The following TBX5 variants were observed in gnomAD, a reference collection of about 807,000 sequenced individuals.
The protein encoded by TBX5 is T-box transcription factor TBX5.
TBX5 carries 8 observed loss-of-function variants against 51.1 expected under a neutral mutation model. The observed-to-expected ratio is 0.16, with a 90% CI of 0.09 to 0.28. TBX5 has a LOEUF of 0.28. Ranked by LOEUF, TBX5 falls within the 10% of genes least tolerant of loss-of-function variation. The probability of loss-of-function intolerance (pLI) is 1.00; values close to 1 mark genes in which losing one functional copy is unlikely to be tolerated. For synonymous variants in TBX5, 302 were observed against 266.4 expected, an observed-to-expected ratio of 1.13 and a Z score of -1.30; for missense variants, 589 against 671.7, an observed-to-expected ratio of 0.88 and a Z score of 1.36.
In TBX5 at chr12:114,398,644, G is replaced by T; in HGVS notation, c.439C>A (p.His147Asn). The T allele has an allele frequency of 6.2e-7, 1 of 1,613,528 alleles. No individual in the cohort carries two copies. Among genetic ancestry groups the T allele is most frequent in the Non-Finnish European group, 8.5e-7 (1 of 1,179,848 alleles). ...AAGGAGACGAGCTGCCTCATCCAAT[G>T]CGCCCCGGTGGCGGGGGAGTCTGGG... ...VHPDSPATGA[H>N]WMRQLVSFQK... is the part of the protein sequence containing the mutation. Residue 147 changes from histidine to asparagine, a missense_variant, in exon 5 of 9, where the codon CAT (histidine) becomes AAT (asparagine). By Grantham distance (68) the His-to-Asn change is moderately conservative (BLOSUM62 1). Around this residue, in one of 7 missense-constraint regions of TBX5, gnomAD observed 85 missense variants for 95.6 expected, o/e 0.89. Coordinates refer to ENST00000405440, the MANE Select transcript of TBX5 (RefSeq NM_181486.4).
intron 7 of TBX5, among the ~76,000 whole-genome samples, chr12:114,373,432 A>T (rs755045368): frequency 2.0e-5 from 3 of 152,216 alleles, no homozygotes; most frequent in Non-Finnish European, 4.4e-5. Flanking sequence ...AACTACAGAC[A>T]TAAAAGGACA....
At chr12:114,375,530 TA>T (rs1277603358) in intron 7 of TBX5, among the ~76,000 whole-genome samples, 1 of 152,104 alleles carries the variant, frequency 6.6e-6, no homozygotes, top group Non-Finnish European at 1.5e-5. Context: ...AGAGGTATAA[TA>T]AAAATGTACA....
At chr12:114,389,734 A>T in intron 6 of TBX5, among the ~76,000 whole-genome samples, 1 of 113,684 alleles carries the variant, frequency 8.8e-6, no homozygotes, top group African/African-American at 3.4e-5. Context: ...AGCCTGGGCG[A>T]CAGAGCGAGA....
chr12:114,405,915 C>A lies in TBX5; in HGVS notation c.-326G>T. The A allele has an allele frequency of 1.0e-6, 1 of 985,550 alleles. No individual in the cohort carries two copies. The highest frequency in any genetic ancestry group is 1.2e-6 in the Non-Finnish European group (1 of 830,040). 61.1% of individuals were successfully genotyped at this position (985,550 alleles called of 1,614,324 possible). ...AAATAGCCTCCAAGAGCACCGGCAA[C>A]CATATAATCTCAGTGCCCCGCTCCT... On this transcript the variant is annotated 5_prime_UTR_variant, in exon 1 of 9. Transcript: ENST00000405440.
At chr12:114,364,238 T>C (rs1268420404) in intron 8 of TBX5, among the ~76,000 whole-genome samples, 1 of 152,250 alleles carries the variant, frequency 6.6e-6, no homozygotes, top group African/African-American at 2.4e-5. Context: ...AGTTATTTTT[T>C]CCTAAAGGGC....
intron 4 of TBX5, among the ~76,000 whole-genome samples, 197 bp from the exon 5 acceptor site, chr12:114,398,917 C>G (rs531907355): frequency 5.9e-5 from 9 of 152,306 alleles, no homozygotes; most frequent in Non-Finnish European, 1.3e-4. Flanking sequence ...CCCAGGCAAG[C>G]CCCTGGCCCA....
chr12:114,378,260 C>T (rs1376995135), intron 7 of TBX5, among the ~76,000 whole-genome samples: 1 of 152,142 alleles, frequency 6.6e-6, no homozygotes. Context: ...CTAAGAAATA[C>T]CGAGATGAAG....
intron 3 of TBX5, among the ~76,000 whole-genome samples, chr12:114,400,131 C>T (rs1871716805): frequency 6.6e-6 from 1 of 152,120 alleles, no homozygotes; most frequent in Non-Finnish European, 1.5e-5. Context: ...GTGGGTGCGC[C>T]CAGGCTTCCC....
intron 1 of TBX5, among the ~76,000 whole-genome samples, chr12:114,404,178 G>C (rs1459964671): frequency 6.6e-6 from 1 of 152,100 alleles, no homozygotes; most frequent in African/African-American, 2.4e-5. Context: ...AAAGACCCGC[G>C]TCAGACCCGG....
At chr12:114,365,500 A>T (rs1188130838) in intron 8 of TBX5, among the ~76,000 whole-genome samples, 2 of 152,208 alleles carry the variant, frequency 1.3e-5, no homozygotes, top group Admixed American at 1.3e-4. Context: ...CAAGTTGCAA[A>T]ATACATACAG....
rs1230050515 is a variant in TBX5, at chr12:114,354,958, T to C, written c.*574A>G. 2.5e-5 allele frequency: 4 copies of C among 162,940 alleles called. No individual in the cohort carries two copies. The highest frequency in any genetic ancestry group is 1.8e-4 in the Admixed American group (3 of 16,902). 10.1% of individuals were successfully genotyped at this position (162,940 alleles called of 1,614,324 possible). On this transcript the variant is annotated 3_prime_UTR_variant, in exon 9 of 9. Coordinates refer to ENST00000405440, the MANE Select transcript of TBX5 (RefSeq NM_181486.4). ...TGGCAGAGGTAGGTGCTTTTCTTAG[T>C]CAAGGGGAAACGTGAATTTAGGTTT...
chr12:114,395,117 C>G (rs1342309042), intron 5 of TBX5, among the ~76,000 whole-genome samples: 1 of 152,088 alleles, frequency 6.6e-6, no homozygotes, highest in African/African-American at 2.4e-5. Context: ...CAGGAATCTA[C>G]CCAAGGCACA....
At position 114,401,860 on chromosome 12, in the gene TBX5, C is replaced by T. The variant is rs1378993147; in HGVS notation, c.208G>A (p.Val70Met). The change falls in exon 3 of 9, where the codon GTG becomes ATG. Residue 70 changes from valine to methionine, a missense_variant. By Grantham distance (21) the Val-to-Met change is conservative. Coordinates refer to ENST00000405440, the MANE Select transcript of TBX5 (RefSeq NM_181486.4). ...TTGGTTATGATCATTTCCGTGCCCA[C>T]TTCGTGGAATTTTAGCCACAGTTCT... The part of the protein sequence containing the change: ...ERELWLKFHE[V>M]GTEMIITKAG... 3 of 1,614,082 alleles carry T rather than the reference C, an allele frequency of 1.9e-6. No individual in the cohort carries two copies. Among genetic ancestry groups the T allele is most frequent in the Non-Finnish European group, 2.5e-6 (3 of 1,180,042 alleles).
intron 7 of TBX5, among the ~76,000 whole-genome samples, chr12:114,373,211 CA>C (rs1246668986): frequency 3.9e-5 from 6 of 152,096 alleles, no homozygotes; most frequent in African/African-American, 1.4e-4. Context: ...GTCTGTGATT[CA>C]AAAAACGGTT....
Position 114,392,619 on chromosome 12 carries a change from TG to T in TBX5, c.663+2121del, listed in dbSNP as rs572117842. Among the ~76,000 whole-genome samples, 18 of 152,266 alleles carry T rather than the reference TG, an allele frequency of 1.2e-4. No individual in the cohort carries two copies. In the South Asian group the frequency reaches 3.7e-3, roughly 32 times the overall value. On this transcript the variant is annotated intron_variant, in intron 6 of 8. Transcript: ENST00000405440. Reference sequence around the variant, plus strand: ...CCTCCTGTATGAACCTGGGCTTTCTTGGGGTAGAGGGGGAAAAGATCTCATA... The same window carrying T: ...CCTCCTGTATGAACCTGGGCTTTCTTGGGTAGAGGGGGAAAAGATCTCATA...
chr12:114,404,317 G>T (rs1480828650), intron 1 of TBX5, among the ~76,000 whole-genome samples: 1 of 152,050 alleles, frequency 6.6e-6, no homozygotes, highest in Non-Finnish European at 1.5e-5. Flanking sequence ...CACTGGGTAG[G>T]AACCAAAAAC....
At chr12:114,381,783 C>G (rs1357430535) in intron 7 of TBX5, among the ~76,000 whole-genome samples, 2 of 152,172 alleles carry the variant, frequency 1.3e-5, no homozygotes, top group African/African-American at 4.8e-5. Flanking sequence ...TTCTCCTTCC[C>G]CAAGGACATG....
intron 7 of TBX5, among the ~76,000 whole-genome samples, chr12:114,376,049 C>T (rs1361988015): frequency 6.6e-6 from 1 of 151,944 alleles, no homozygotes; most frequent in African/African-American, 2.4e-5. Flanking sequence ...TATCTCAAAA[C>T]AAAACAATAT....
Position 114,354,196 on chromosome 12 carries a change from GAAAAAAACAA to G in TBX5, c.*1326_*1335del, listed in dbSNP as rs1322460633. 6.7e-6 allele frequency: 1 copy of G among 149,312 alleles called. No homozygotes were observed. The highest frequency in any genetic ancestry group is 2.5e-5 in the African/African-American group (1 of 40,478). 9.2% of individuals were successfully genotyped at this position (149,312 alleles called of 1,614,324 possible). ...AAAAAGCAAAGCACATTCGAAAGAG[GAAAAAAACAA>G]AAAAAAACAAAAAAACACAAACTTG... is the stretch of plus-strand genomic sequence containing the variant. On this transcript the variant is annotated 3_prime_UTR_variant, in exon 9 of 9. Coordinates refer to ENST00000405440, the MANE Select transcript of TBX5 (RefSeq NM_181486.4).
Sources: gnomAD v4.1 joint callset for allele counts (sites outside exome capture counted in the v4.1 genomes callset) on GRCh38, gnomAD v4.1.1 for gene constraint, gnomAD v4.1.1 regional missense constraint, MANE v1.5 for transcripts, NCBI Gene and HGNC (gene_info 2026-07-23, HGNC 2026-07-21) for gene names.